The following NAV2 variants were observed in gnomAD, a reference collection of about 807,000 sequenced individuals.
NAV2 encodes the protein helicase, APC down-regulated 1.
Under a neutral mutation model 223.2 loss-of-function variants are expected in NAV2, and 54 were observed. The observed-to-expected ratio is 0.24, with a 90% CI of 0.19 to 0.30. The LOEUF is 0.30. Ranked by LOEUF, NAV2 falls within the 10% of genes least tolerant of loss-of-function variation. The probability of loss-of-function intolerance (pLI) is 1.00; values close to 1 mark genes in which losing one functional copy is unlikely to be tolerated. For missense variants in NAV2, 2,806 were observed against 3,147.5 expected (o/e 0.89, Z 2.60); for synonymous variants, 1,279 against 1,239.3 (o/e 1.03, Z -0.67).
intron 1 of NAV2, among the ~76,000 whole-genome samples, chr11:19,383,745 C>G (rs1487186300): frequency 6.6e-6 from 1 of 152,238 alleles, no homozygotes; most frequent in Non-Finnish European, 1.5e-5. Flanking sequence ...GTAATTCAGC[C>G]AAAGCCCCTA....
intron 1 of NAV2, among the ~76,000 whole-genome samples, chr11:19,630,896 G>T (rs1392686062): frequency 8.0e-5 from 7 of 87,366 alleles, no homozygotes; most frequent in African/African-American, 2.5e-4. Flanking sequence ...ACACATACAC[G>T]CACCCCAAAA....
Position 20,049,816 on chromosome 11 carries a change from C to G in NAV2, c.4371-20C>G. On this transcript the variant is annotated intron_variant, in intron 15 of 37. Coordinates refer to ENST00000349880, the MANE Select transcript of NAV2 (RefSeq NM_145117.5). Reference sequence around the variant, plus strand: ...AAGCTAACGTTCCTTCTCTTGTTTTCTACCTGCCTGGACTTCTAGCCCTCT... The same window carrying G: ...AAGCTAACGTTCCTTCTCTTGTTTTGTACCTGCCTGGACTTCTAGCCCTCT... The G allele has an allele frequency of 6.2e-7, 1 of 1,613,058 alleles. No homozygotes were observed. Among genetic ancestry groups the G allele is most frequent in the Non-Finnish European group, 8.5e-7 (1 of 1,179,044 alleles).
intron 1 of NAV2, among the ~76,000 whole-genome samples, chr11:19,603,631 C>CAAAAAAAAAAAAAA (rs1222524445): frequency 1.7e-5 from 1 of 57,738 alleles, no homozygotes; most frequent in African/African-American, 4.6e-5. Flanking sequence ...GACTCCATCT[C>CAAAAAAAAAAAAAA]AAAAAAAAAA....
intron 1 of NAV2, among the ~76,000 whole-genome samples, chr11:19,732,103 A>G (rs552497193): frequency 6.6e-6 from 1 of 152,250 alleles, no homozygotes; most frequent in Non-Finnish European, 1.5e-5. Context: ...AAATACAAAA[A>G]TTAACCAGGC....
chr11:19,504,176 G>A (rs1321771587), intron 1 of NAV2: 1 of 152,244 alleles, frequency 6.6e-6, no homozygotes, highest in South Asian at 2.1e-4. Flanking sequence ...ATGCTGGTGA[G>A]GATGTGGAGA....
chr11:19,600,747 AG>A (rs1359402207), intron 1 of NAV2, among the ~76,000 whole-genome samples: 1 of 152,230 alleles, frequency 6.6e-6, no homozygotes, highest in Non-Finnish European at 1.5e-5. Context: ...TACACATAAA[AG>A]CAATTATAAT....
intron 1 of NAV2, among the ~76,000 whole-genome samples, chr11:19,817,178 G>A (rs1468694576): frequency 6.6e-6 from 1 of 152,064 alleles, no homozygotes; most frequent in Non-Finnish European, 1.5e-5. Context: ...ACCTTATATA[G>A]CCACTCACCT....
intron 11 of NAV2, among the ~76,000 whole-genome samples, chr11:19,987,572 A>AACTTG (rs1412091287): frequency 6.6e-6 from 1 of 152,238 alleles, no homozygotes; most frequent in Non-Finnish European, 1.5e-5. Context: ...TACCAGGCAG[A>AACTTG]ACTTGCCTGT....
In NAV2 at chr11:19,933,303, A is replaced by T; in HGVS notation, c.1059A>T (p.Ala353=). 6.2e-7 allele frequency: 1 copy of T among 1,613,562 alleles called. No homozygotes were observed. The highest frequency in any genetic ancestry group is 8.5e-7 in the Non-Finnish European group (1 of 1,179,728). ...STSSAIPQPG[A]ATKPWRSKSL... ...CCTCGGCCATCCCGCAGCCCGGTGCAGCCACCAAGCCTTGGCGCAGCAAAT... is the reference window on the plus strand; with the variant it reads ...CCTCGGCCATCCCGCAGCCCGGTGCTGCCACCAAGCCTTGGCGCAGCAAAT... Residue 353 remains alanine, a synonymous_variant, in exon 7 of 38, where the codon GCA becomes GCT. Transcript: ENST00000349880. This position sits in a 1 kb window ranked among gnomAD's most constrained non-coding sequence, Gnocchi z 4.3.
At chr11:19,489,955 G>T (rs916467278) in intron 1 of NAV2, among the ~76,000 whole-genome samples, 1 of 152,122 alleles carries the variant, frequency 6.6e-6, no homozygotes, top group Non-Finnish European at 1.5e-5. Context: ...TGGAGATATC[G>T]CGGGTTCAGT....
chr11:19,585,599 G>A (rs2045869565), intron 1 of NAV2, among the ~76,000 whole-genome samples: 1 of 152,124 alleles, frequency 6.6e-6, no homozygotes, highest in African/African-American at 2.4e-5. Context: ...CTCAACATTT[G>A]CTTGTCTGTA....
rs746933617 is a variant in NAV2, at chr11:20,045,626, G to A, written c.3858G>A (p.Gln1286=). 4 of 1,614,106 alleles carry A rather than the reference G, an allele frequency of 2.5e-6. No individual in the cohort carries two copies. In the African/African-American group the frequency reaches 5.3e-5, roughly 22 times the overall value. ...PVSSPAQTSL[Q]PGAKYPDVAS... ...CCAGTCCGGCTCAGACCAGTCTCCAGCCTGGAGCCAAGTACCCAGATGTGG... is the reference window on the plus strand; with the variant it reads ...CCAGTCCGGCTCAGACCAGTCTCCAACCTGGAGCCAAGTACCCAGATGTGG... Residue 1286 remains glutamine, a synonymous_variant, in exon 14 of 38, where the codon CAG becomes CAA. Coordinates refer to ENST00000349880, the MANE Select transcript of NAV2 (RefSeq NM_145117.5).
intron 1 of NAV2, among the ~76,000 whole-genome samples, chr11:19,389,175 G>A (rs994921105): frequency 2.0e-5 from 3 of 152,204 alleles, no homozygotes; most frequent in Non-Finnish European, 4.4e-5. Flanking sequence ...ACTGGAGGGT[G>A]AGCAGTGACT....
chr11:19,347,713 A>G (rs552766402), upstream of NAV2, among the ~76,000 whole-genome samples: 87 of 152,248 alleles, frequency 5.7e-4, no homozygotes, highest in Non-Finnish European at 1.0e-3. Flanking sequence ...GAAGCTGCTG[A>G]TCCATTGCTG....
intron 3 of NAV2, among the ~76,000 whole-genome samples, chr11:19,857,186 CA>C (rs1476179335): frequency 6.6e-6 from 1 of 152,220 alleles, no homozygotes; most frequent in African/African-American, 2.4e-5. Flanking sequence ...TCCTGAATTT[CA>C]AGGATCTGAT....
chr11:19,470,127 T>A (rs1366267492), intron 1 of NAV2, among the ~76,000 whole-genome samples: 1 of 152,212 alleles, frequency 6.6e-6, no homozygotes, highest in Non-Finnish European at 1.5e-5. Flanking sequence ...GCTATGGGGC[T>A]TCAAGGACCT....
chr11:19,517,188 T>G (rs947587942), intron 1 of NAV2, among the ~76,000 whole-genome samples: 1 of 152,240 alleles, frequency 6.6e-6, no homozygotes, highest in African/African-American at 2.4e-5. Flanking sequence ...TCATGCCTGT[T>G]ACATGATCCC....
chr11:19,603,151 G>A (rs1314041684), intron 1 of NAV2, among the ~76,000 whole-genome samples: 1 of 152,184 alleles, frequency 6.6e-6, no homozygotes, highest in African/African-American at 2.4e-5. Context: ...TGGGCAGCAG[G>A]GAGGTCCACT....
chr11:19,476,269 G>A (rs1384606815), intron 1 of NAV2, among the ~76,000 whole-genome samples: 2 of 152,112 alleles, frequency 1.3e-5, no homozygotes, highest in Non-Finnish European at 2.9e-5. Flanking sequence ...CACTGCACCC[G>A]GCCCATTCTT....
Sources: allele counts gnomAD v4.1 joint callset (sites outside exome capture counted in the v4.1 genomes callset), GRCh38; gene constraint gnomAD v4.1.1; non-coding constraint Gnocchi (gnomAD v3.1); transcripts MANE v1.5; gene names NCBI Gene and HGNC (gene_info 2026-07-23, HGNC 2026-07-21).